BCAS1: variants seen among roughly 807,000 people sequenced by gnomAD.
BCAS1 encodes breast carcinoma-amplified sequence 1.
Under a neutral mutation model 65.4 loss-of-function variants are expected in BCAS1, and 46 were observed. That is an observed-to-expected ratio of 0.70 (90% CI 0.55 to 0.90). BCAS1 has a LOEUF of 0.90. Ranked by LOEUF, BCAS1 falls within the 40% of genes least tolerant of loss-of-function variation. The pLI is 0.00. For synonymous variants in BCAS1, 298 were observed against 293.5 expected, an observed-to-expected ratio of 1.02 and a Z score of -0.16; for missense variants, 793 against 771.2, an observed-to-expected ratio of 1.03 and a Z score of -0.33.
chr20:53,983,840 G>A (rs1478790687), intron 8 of BCAS1, among the ~76,000 whole-genome samples: 4 of 152,042 alleles, frequency 2.6e-5, no homozygotes, highest in Non-Finnish European at 5.9e-5. Context: ...TTGCTAGATG[G>A]TCAGAACTCT....
chr20:54,007,615 G>A (rs548286310), intron 4 of BCAS1, among the ~76,000 whole-genome samples: 35 of 152,298 alleles, frequency 2.3e-4, no homozygotes, highest in African/African-American at 6.7e-4. Context: ...AAGATCTGCC[G>A]GCCCAGGGCA....
rs940637658 is a variant in BCAS1, at chr20:53,963,652, T to C, written c.1485+3254A>G. The stretch of plus-strand genomic sequence containing the variant: ...ATCCAAAATTTGTCTGAAACGTTTA[T>C]TTATTTGGCTCAACATCCCCAACCG... On this transcript the variant is annotated intron_variant, in intron 10 of 12. Coordinates refer to ENST00000688948, the MANE Select transcript of BCAS1 (RefSeq NM_001366298.2). Among the ~76,000 whole-genome samples, 11 of 152,168 alleles carry C rather than the reference T, an allele frequency of 7.2e-5. 1 individual carries two copies.
chr20:53,986,254 T>C (rs2090613325), intron 7 of BCAS1, among the ~76,000 whole-genome samples: 1 of 152,148 alleles, frequency 6.6e-6, no homozygotes, highest in Admixed American at 6.5e-5. Context: ...TGTCCGTATC[T>C]CCTTTCTCTC....
intron 1 of BCAS1, among the ~76,000 whole-genome samples, chr20:54,059,756 T>C (rs290432): frequency 0.46 from 69,516 of 152,064 alleles, 16,605 homozygotes; most frequent in African/African-American, 0.59. Context: ...CTCTGGGAAA[T>C]TGTGACACAC....
intron 8 of BCAS1, among the ~76,000 whole-genome samples, chr20:53,979,319 T>C (rs749512032): frequency 6.6e-6 from 1 of 151,962 alleles, no homozygotes; most frequent in Non-Finnish European, 1.5e-5. Context: ...TTGTGGGAAA[T>C]AGTGGTTCTG....
chr20:54,036,115 C>G (rs1406435423), intron 3 of BCAS1, among the ~76,000 whole-genome samples: 2 of 150,696 alleles, frequency 1.3e-5, no homozygotes, highest in Non-Finnish European at 1.5e-5. Flanking sequence ...TATTTCATCA[C>G]CCAGGTATTA....
intron 3 of BCAS1, among the ~76,000 whole-genome samples, chr20:54,049,382 C>T (rs571458533): frequency 2.0e-5 from 3 of 152,204 alleles, no homozygotes; most frequent in African/African-American, 7.2e-5. Flanking sequence ...CATACGTTAG[C>T]AGTGAGGCCT....
At chr20:53,962,653 A>G (rs1568816072) in intron 10 of BCAS1, among the ~76,000 whole-genome samples, 1 of 152,060 alleles carries the variant, frequency 6.6e-6, no homozygotes, top group Admixed American at 6.5e-5. Flanking sequence ...CAGCTGAATT[A>G]ATATGTATAA....
chr20:54,000,137 G>T (rs74687089), intron 4 of BCAS1, among the ~76,000 whole-genome samples: 5,069 of 152,248 alleles, frequency 0.033, 105 homozygotes, highest in South Asian at 0.052. Context: ...TCTCCTAGTA[G>T]ATTTCACTTC....
At chr20:54,016,400 A>G (rs2091439537) in intron 4 of BCAS1, among the ~76,000 whole-genome samples, 1 of 152,208 alleles carries the variant, frequency 6.6e-6, no homozygotes. Flanking sequence ...GTAATTTGTA[A>G]AGATCAAATT....
intron 1 of BCAS1, among the ~76,000 whole-genome samples, chr20:54,065,265 A>G (rs1345951519): frequency 6.7e-6 from 1 of 148,250 alleles, no homozygotes; most frequent in Non-Finnish European, 1.5e-5. Flanking sequence ...CTATATATCT[A>G]TATTTCATAT....
chr20:53,951,124 A>C (rs572755386), intron 12 of BCAS1, among the ~76,000 whole-genome samples: 1 of 152,298 alleles, frequency 6.6e-6, no homozygotes, highest in Admixed American at 6.5e-5. Context: ...CACAGTGTAA[A>C]TCATTCCCTG....
chr20:54,011,443 CA>C (rs2091318154), intron 4 of BCAS1, among the ~76,000 whole-genome samples: 2 of 151,886 alleles, frequency 1.3e-5, no homozygotes, highest in African/African-American at 4.8e-5. Flanking sequence ...CGTGAGGGGG[CA>C]TTTCATTGCA....
At chr20:54,056,077 C>A (rs2092292555) in intron 3 of BCAS1, among the ~76,000 whole-genome samples, 1 of 152,072 alleles carries the variant, frequency 6.6e-6, no homozygotes. Flanking sequence ...TACTTTCACT[C>A]ATAAGATGAA....
chr20:54,068,485 C>T (rs2092472601), intron 1 of BCAS1: 1 of 153,994 alleles, frequency 6.5e-6, no homozygotes. Context: ...CATTTTATCC[C>T]CCAGGTGCTC....
intron 8 of BCAS1, 37 bp downstream of exon 8, chr20:53,985,250 C>T: frequency 6.3e-7 from 1 of 1,598,082 alleles, no homozygotes; most frequent in African/African-American, 1.3e-5. Context: ...GTCATCCCCG[C>T]CCGGACGACT....
chr20:54,063,210 G>C (rs2092396992), intron 1 of BCAS1, among the ~76,000 whole-genome samples: 1 of 152,158 alleles, frequency 6.6e-6, no homozygotes, highest in Non-Finnish European at 1.5e-5. Context: ...TAGGAATGTG[G>C]GCTCTGGAGT....
chr20:53,958,992 G>T (rs1316753850), intron 10 of BCAS1, among the ~76,000 whole-genome samples: 1 of 152,204 alleles, frequency 6.6e-6, no homozygotes, highest in Non-Finnish European at 1.5e-5. Flanking sequence ...TAAACAAAAT[G>T]ATAAAAGCTT....
intron 1 of BCAS1, among the ~76,000 whole-genome samples, chr20:54,059,508 A>G (rs290431): frequency 0.42 from 62,794 of 150,866 alleles, 13,949 homozygotes; most frequent in African/African-American, 0.58. Flanking sequence ...TTTTCATAGC[A>G]TTTAGCAGGG....
Sources: allele counts gnomAD v4.1 joint callset (sites outside exome capture counted in the v4.1 genomes callset), GRCh38; gene constraint gnomAD v4.1.1; transcripts MANE v1.5; gene names NCBI Gene and HGNC (gene_info 2026-07-23, HGNC 2026-07-21).